FOXP1: variants seen among roughly 807,000 people sequenced by gnomAD.
The protein encoded by FOXP1 is forkhead box P1, also known as forkhead box protein P1.
Under a neutral mutation model 98.2 loss-of-function variants are expected in FOXP1, and 15 were observed. The ratio of observed to expected loss-of-function variants is 0.15; its 90% CI spans 0.10 to 0.24. The LOEUF is 0.24. FOXP1 is among the 10% of genes least tolerant of loss of function. The pLI is 1.00. For synonymous variants in FOXP1, 371 were observed against 314.5 expected, an observed-to-expected ratio of 1.18 and a Z score of -1.90; for missense variants, 633 against 848.5, an observed-to-expected ratio of 0.75 and a Z score of 3.15.
At chr3:71,040,135 CTGTGTGTGTG>C (rs750897896) in intron 11 of FOXP1, 1 of 147,752 alleles carries the variant, frequency 6.8e-6, no homozygotes, top group Non-Finnish European at 1.5e-5. Flanking sequence ...GTGTGTGTAT[CTGTGTGTGTG>C]TGTGTGTTCA....
rs534572005 is a variant in FOXP1 at position 71,092,549 on chromosome 3, T to G, written c.282+19987A>C. On this transcript the variant is annotated intron_variant, in intron 7 of 20. Transcript: ENST00000649528. ...CTGGTCTGTGGAACCGAAGCAAACCTTAGATGGAAGGAAACTTTCAGAGGA... is the reference window on the plus strand; with the variant it reads ...CTGGTCTGTGGAACCGAAGCAAACCGTAGATGGAAGGAAACTTTCAGAGGA... Among the ~76,000 whole-genome samples, 28 of 152,290 alleles carry G rather than the reference T, an allele frequency of 1.8e-4. No individual in the cohort carries two copies. The South Asian group carries it at 5.4e-3, about 29-fold the overall frequency.
rs1362230702 is a variant in FOXP1 at position 71,311,532 on chromosome 3, T to A, written c.-72-11652A>T. On this transcript the variant is annotated intron_variant, in intron 4 of 20. Transcript: ENST00000649528. Reference sequence around the variant, plus strand: ...TACTCCAGCTACTCTGTTCCTACTGTTGTACGTAAAATGGCTAGCATGCTC... The same window carrying A: ...TACTCCAGCTACTCTGTTCCTACTGATGTACGTAAAATGGCTAGCATGCTC... 9.8e-5 allele frequency among the ~76,000 whole-genome samples: 15 copies of A among 152,354 alleles called. No homozygotes were observed. In the East Asian group the frequency reaches 2.5e-3, roughly 25 times the overall value.
At chr3:71,480,359 C>T (rs1402083000) in intron 3 of FOXP1, among the ~76,000 whole-genome samples, 2 of 152,186 alleles carry the variant, frequency 1.3e-5, no homozygotes, top group East Asian at 3.8e-4. Context: ...TACTTCTACA[C>T]AGTTACCTGG....
At chr3:71,523,947 T>C (rs1466183813) in intron 2 of FOXP1, among the ~76,000 whole-genome samples, 1 of 152,116 alleles carries the variant, frequency 6.6e-6, no homozygotes, top group Non-Finnish European at 1.5e-5. Flanking sequence ...ATCACGGAGA[T>C]GAGGGAATGT....
chr3:71,027,150 G>A (rs1013865429), intron 11 of FOXP1, among the ~76,000 whole-genome samples: 2 of 151,976 alleles, frequency 1.3e-5, no homozygotes, highest in South Asian at 2.1e-4. Context: ...CATTAGGCAG[G>A]CATTCTCATT....
At chr3:71,421,365 G>A (rs1339751985) in intron 3 of FOXP1, among the ~76,000 whole-genome samples, 4 of 152,100 alleles carry the variant, frequency 2.6e-5, no homozygotes, top group Admixed American at 6.5e-5. Context: ...TGCCCTGTTC[G>A]TAATTTCAGA....
intron 11 of FOXP1, among the ~76,000 whole-genome samples, chr3:71,023,172 C>A (rs1048184139): frequency 2.6e-5 from 4 of 152,220 alleles, no homozygotes; most frequent in Admixed American, 6.5e-5. Flanking sequence ...GAGACAGGCA[C>A]CGAGCATACT....
intron 3 of FOXP1, among the ~76,000 whole-genome samples, chr3:71,487,992 G>A (rs1251941465): frequency 2.0e-5 from 3 of 151,996 alleles, no homozygotes; most frequent in African/African-American, 7.2e-5. Flanking sequence ...ATAAAAGTGA[G>A]AAAAGGCTGT....
chr3:71,239,356 A>G (rs2067058745), intron 5 of FOXP1, among the ~76,000 whole-genome samples: 2 of 152,144 alleles, frequency 1.3e-5, no homozygotes, highest in Non-Finnish European at 2.9e-5. Flanking sequence ...CAGCCTGACT[A>G]AGATGGTGAA....
At chr3:71,144,467 C>T (rs1341679198) in intron 6 of FOXP1, among the ~76,000 whole-genome samples, 1 of 152,150 alleles carries the variant, frequency 6.6e-6, no homozygotes, top group Admixed American at 6.5e-5. Context: ...GCTAGAGTCT[C>T]CACACCTGAG....
At chr3:71,440,550 T>C (rs1330360630) in intron 3 of FOXP1, among the ~76,000 whole-genome samples, 1 of 152,078 alleles carries the variant, frequency 6.6e-6, no homozygotes, top group Non-Finnish European at 1.5e-5. Context: ...TGGTGGCACA[T>C]GCCTGTAGTC....
intron 6 of FOXP1, among the ~76,000 whole-genome samples, chr3:71,193,475 T>C (rs1480490492): frequency 1.3e-5 from 1 of 75,250 alleles, no homozygotes. Context: ...TTTAGACATA[T>C]TCTCACTTTG....
At chr3:71,344,304 AT>A (rs970061529) in intron 4 of FOXP1, among the ~76,000 whole-genome samples, 14 of 152,274 alleles carry the variant, frequency 9.2e-5, no homozygotes, top group Non-Finnish European at 1.5e-4. Flanking sequence ...ACCTTAAGGA[AT>A]TTTTTTCTAT....
At chr3:71,384,162 G>T (rs1352443331) in intron 3 of FOXP1, among the ~76,000 whole-genome samples, 1 of 152,312 alleles carries the variant, frequency 6.6e-6, no homozygotes, top group Non-Finnish European at 1.5e-5. Context: ...GGAGGTTGCA[G>T]TGAGCTGAGA....
At chr3:71,181,516 G>C (rs2062290811) in intron 6 of FOXP1, among the ~76,000 whole-genome samples, 1 of 152,138 alleles carries the variant, frequency 6.6e-6, no homozygotes, top group African/African-American at 2.4e-5. Context: ...GCTGGTGGGT[G>C]GGTTTTCAAC....
intron 5 of FOXP1, among the ~76,000 whole-genome samples, chr3:71,260,793 C>T (rs990973022): frequency 6.6e-6 from 1 of 152,104 alleles, no homozygotes. Context: ...CCGCCCGCCT[C>T]ACCCTACCAA....
intron 2 of FOXP1, among the ~76,000 whole-genome samples, chr3:71,542,529 C>T (rs1410615336): frequency 6.6e-6 from 1 of 152,204 alleles, no homozygotes; most frequent in African/African-American, 2.4e-5. Flanking sequence ...AGTGCATTCC[C>T]GAAAATGATT....
chr3:71,081,688 C>A (rs1376578024), intron 7 of FOXP1, among the ~76,000 whole-genome samples: 1 of 152,144 alleles, frequency 6.6e-6, no homozygotes, highest in Non-Finnish European at 1.5e-5. Context: ...TTTATTTCCA[C>A]TACAAATTAT....
At chr3:71,383,759 G>A (rs1251118716) in intron 3 of FOXP1, among the ~76,000 whole-genome samples, 1 of 152,118 alleles carries the variant, frequency 6.6e-6, no homozygotes, top group African/African-American at 2.4e-5. Context: ...GGAAGGAAAT[G>A]GTGAGACAGA....
Sources: gnomAD v4.1 joint callset for allele counts (sites outside exome capture counted in the v4.1 genomes callset) on GRCh38, gnomAD v4.1.1 for gene constraint, MANE v1.5 for transcripts, NCBI Gene and HGNC (gene_info 2026-07-23, HGNC 2026-07-21) for gene names.